The following HNF1A variants were observed in gnomAD, a reference collection of about 807,000 sequenced individuals.
HNF1A encodes hepatocyte nuclear factor 1-alpha.
In HNF1A, 21 loss-of-function variants were observed where a neutral mutation model predicts 62.2. The ratio of observed to expected loss-of-function variants is 0.34; its 90% CI spans 0.24 to 0.49. HNF1A has a LOEUF of 0.49. HNF1A is among the 20% of genes least tolerant of loss of function. The pLI, the probability that HNF1A is intolerant of heterozygous loss-of-function variation, is 0.99. For missense variants in HNF1A, 687 were observed against 832.3 expected, an observed-to-expected ratio of 0.83 and a Z score of 2.15; for synonymous variants, 374 against 366.8, an observed-to-expected ratio of 1.02 and a Z score of -0.22.
At chr12:120,992,071 CTT>C (rs869269713) in intron 2 of HNF1A, among the ~76,000 whole-genome samples, 5 of 152,284 alleles carry the variant, frequency 3.3e-5, no homozygotes, top group African/African-American at 1.2e-4. Flanking sequence ...TATTAGGACT[CTT>C]TCAGTAACAG....
At position 120,979,166 on chromosome 12, in the gene HNF1A, C is replaced by T. The variant is rs989331125; in HGVS notation, c.326+72C>T. 4.4e-6 allele frequency: 6 copies of T among 1,378,200 alleles called. No individual in the cohort carries two copies. In the South Asian group the frequency reaches 4.9e-5, roughly 11 times the overall value. 85.4% of individuals were successfully genotyped at this position (1,378,200 alleles called of 1,614,324 possible). A position where few individuals can be genotyped will look rare whatever the true frequency, so the allele number is the denominator to read the frequency against. On this transcript the variant is annotated intron_variant, in intron 1 of 9. Coordinates refer to ENST00000257555, the MANE Select transcript of HNF1A (RefSeq NM_000545.8). ...CCCCCCTCAGCTCCTAACGAGCCCC[C>T]CTTCTGAGTTGAGTCCCCATGACCT...
At position 120,996,311 on chromosome 12, in the gene HNF1A, A is replaced by G. The variant is rs1281657343; in HGVS notation, c.1005A>G (p.Ser335=). ...CCAGTGAGACTGCAGAAGTACCCTC[A>G]AGCAGCGGCGGTCCCTTAGTGACAG... ...PATSETAEVP[S]SSGGPLVTVS... The change falls in exon 5 of 10, where the codon TCA becomes TCG. Residue 335 remains serine (S), a synonymous_variant. Coordinates refer to ENST00000257555, the MANE Select transcript of HNF1A (RefSeq NM_000545.8). The surrounding 1 kb of genome is among the most constrained non-coding windows in gnomAD (Gnocchi z 4.5). 1.2e-6 allele frequency: 2 copies of G among 1,614,114 alleles called. No homozygotes were observed. Among genetic ancestry groups the G allele is most frequent in the Non-Finnish European group, 8.5e-7 (1 of 1,180,004 alleles).
intron 1 of HNF1A, among the ~76,000 whole-genome samples, chr12:120,984,680 A>G (rs1026308413): frequency 1.3e-5 from 2 of 151,388 alleles, no homozygotes; most frequent in Non-Finnish European, 2.9e-5. Context: ...GAGATGAAGG[A>G]GAGAGGATCC....
intron 1 of HNF1A, among the ~76,000 whole-genome samples, chr12:120,985,371 C>T (rs900492500): frequency 1.1e-4 from 17 of 150,666 alleles, no homozygotes; most frequent in Non-Finnish European, 1.8e-4. Context: ...CATGAGCCAC[C>T]ATACCCAGTT....
intron 9 of HNF1A, 77 bp from the exon 10 acceptor site, chr12:121,000,988 G>A: frequency 6.3e-7 from 1 of 1,595,400 alleles, no homozygotes; most frequent in Middle Eastern, 1.7e-4. Flanking sequence ...TCCCCATCCT[G>A]AGTACCCCTA....
At chr12:120,997,316 A>G (rs745630945) in intron 6 of HNF1A, 158 bp from the exon 7 acceptor site, 1 of 1,345,848 alleles carries the variant, frequency 7.4e-7, no homozygotes, top group African/African-American at 1.5e-5. Flanking sequence ...AGCCACTTAA[A>G]TTAGTGGCAG....
Position 120,999,123 on chromosome 12 carries a change from T to G in HNF1A, c.1502-145T>G, listed in dbSNP as rs1877279754. On this transcript the variant is annotated intron_variant, in intron 7 of 9. Coordinates refer to ENST00000257555, the MANE Select transcript of HNF1A (RefSeq NM_000545.8). ...CTGTCCCTTTATCTGGAGCCTCCAGTTTTGAAAATCAGCCCTGGATCTCCA... is the reference window on the plus strand; with the variant it reads ...CTGTCCCTTTATCTGGAGCCTCCAGGTTTGAAAATCAGCCCTGGATCTCCA... The G allele has an allele frequency of 2.3e-5, 22 of 964,316 alleles. No homozygotes were observed. The South Asian group carries it at 2.9e-4, about 13-fold the overall frequency. The allele number at this position is 964,316 out of a possible 1,614,324, so 59.7% of individuals were successfully genotyped here.
In HNF1A at chr12:121,001,065, T is replaced by C. The variant is rs928744634; in HGVS notation, c.1769T>C (p.Val590Ala). ...PAHRLSASPT[V>A]SSSSLVLYQS... ...CTAGCAGCCTTGTTTGCCTCTGCAG[T>C]GTCCTCCAGCAGCCTGGTGCTGTAC... Residue 590 changes from valine (V) to alanine (A), a missense_variant and splice_region_variant, in exon 10 of 10, where the codon GTG becomes GCG. By Grantham distance (64) the Val-to-Ala change is moderately conservative. Coordinates refer to ENST00000257555, the MANE Select transcript of HNF1A (RefSeq NM_000545.8). 8.1e-6 allele frequency: 13 copies of C among 1,613,108 alleles called. No individual in the cohort carries two copies. Among genetic ancestry groups the C allele is most frequent in the African/African-American group, 4.0e-5 (3 of 74,888 alleles).
intron 1 of HNF1A, among the ~76,000 whole-genome samples, chr12:120,986,915 T>C (rs1019208098): frequency 5.3e-5 from 8 of 152,026 alleles, no homozygotes; most frequent in Non-Finnish European, 1.0e-4. Context: ...GTAATATAAG[T>C]TCAGGAGAGG....
At chr12:120,990,705 AAAAG>A (rs931365003) in intron 2 of HNF1A, among the ~76,000 whole-genome samples, 2 of 148,298 alleles carry the variant, frequency 1.3e-5, no homozygotes. Flanking sequence ...GAAGGAAAAG[AAAAG>A]AAAGAAAAAG....
chr12:120,981,504 G>A (rs971582024), intron 1 of HNF1A, among the ~76,000 whole-genome samples: 1 of 152,120 alleles, frequency 6.6e-6, no homozygotes, highest in African/African-American at 2.4e-5. Flanking sequence ...CCAAATTCCT[G>A]GATCTCTTCC....
chr12:121,000,297 C>A (rs1213950953), intron 9 of HNF1A, among the ~76,000 whole-genome samples: 4 of 152,186 alleles, frequency 2.6e-5, no homozygotes, highest in Non-Finnish European at 5.9e-5. Flanking sequence ...CCACTGAGGC[C>A]ATTCTGTGTC....
At chr12:120,988,113 A>C (rs533124055) in intron 1 of HNF1A, among the ~76,000 whole-genome samples, 1 of 3,818 alleles carries the variant, frequency 2.6e-4, no homozygotes, top group African/African-American at 4.2e-4. Context: ...TCATCCAACC[A>C]TCCATCCATC....
In HNF1A at chr12:120,990,342, C is replaced by CGTGTTAGCCAGG. The variant is rs56106428; in HGVS notation, c.526+1310_526+1311insGTGTTAGCCAGG. On this transcript the variant is annotated intron_variant, in intron 2 of 9. Coordinates refer to ENST00000257555, the MANE Select transcript of HNF1A (RefSeq NM_000545.8). Reference sequence around the variant, plus strand: ...ATTTTTAGTAGAGTCGGGGTTTCACCATGGTCTCGATCTCCTGACCTCGTG... The same window carrying CGTGTTAGCCAGG: ...ATTTTTAGTAGAGTCGGGGTTTCACCGTGTTAGCCAGGATGGTCTCGATCTCCTGACCTCGTG... Among the ~76,000 whole-genome samples, 515 of 152,174 alleles carry CGTGTTAGCCAGG rather than the reference C, an allele frequency of 3.4e-3. 5 individuals carry two copies. Among genetic ancestry groups the CGTGTTAGCCAGG allele is most frequent in the African/African-American group, 0.011 (473 of 41,508 alleles).
chr12:120,980,111 T>C (rs1876176556), intron 1 of HNF1A, among the ~76,000 whole-genome samples: 1 of 152,176 alleles, frequency 6.6e-6, no homozygotes, highest in Non-Finnish European at 1.5e-5. Flanking sequence ...TAATTTCCCT[T>C]CATGGTGAGG....
At chr12:120,993,780 TAG>T in intron 3 of HNF1A, 74 bp downstream of exon 3, 4 of 1,484,570 alleles carry the variant, frequency 2.7e-6, no homozygotes, top group East Asian at 2.3e-5. Context: ...AAGGTGACTC[TAG>T]GTCCTGTAAA....
At position 120,994,351 on chromosome 12, in the gene HNF1A, G is replaced by A. The variant is rs555681479; in HGVS notation, c.901G>A (p.Ala301Thr). ...GCCAGGCCCGGGACCTGCGCTGCCC[G>A]CTCACAGCTCCCCTGGCCTGCCTCC... ...PGPGPGPALPAHSSPGLPPPA... is the reference protein window; with the variant it reads ...PGPGPGPALPTHSSPGLPPPA... Residue 301 changes from alanine (A) to threonine (T), a missense_variant, in exon 4 of 10, where the codon GCT (alanine) becomes ACT (threonine). This residue lies in a region of HNF1A where 408 missense variants were observed against 455.3 expected (regional missense o/e 0.90). Coordinates refer to ENST00000257555, the MANE Select transcript of HNF1A (RefSeq NM_000545.8). 1.6e-5 allele frequency: 26 copies of A among 1,600,064 alleles called. No individual in the cohort carries two copies. The highest frequency in any genetic ancestry group is 5.2e-5 in the Admixed American group (3 of 57,350).
At chr12:120,992,984 C>T (rs184857757) in intron 2 of HNF1A, among the ~76,000 whole-genome samples, 16 of 152,286 alleles carry the variant, frequency 1.1e-4, no homozygotes, top group Admixed American at 3.9e-4. Context: ...AGCTGGTAGA[C>T]CAGTTTCCAG....
rs763412043 is a variant in HNF1A, at chr12:120,996,320, C to T, written c.1014C>T (p.Gly338=). Residue 338 remains glycine, a synonymous_variant, in exon 5 of 10, where the codon GGC becomes GGT. Coordinates refer to ENST00000257555, the MANE Select transcript of HNF1A (RefSeq NM_000545.8). The surrounding 1 kb of genome is among the most constrained non-coding windows in gnomAD (Gnocchi z 4.5). ...CTGCAGAAGTACCCTCAAGCAGCGG[C>T]GGTCCCTTAGTGACAGTGTCTACAC... ...SETAEVPSSS[G]GPLVTVSTPL... 3.3e-5 allele frequency: 53 copies of T among 1,614,090 alleles called. No homozygotes were observed. Among genetic ancestry groups the T allele is most frequent in the Middle Eastern group, 1.6e-4 (1 of 6,084 alleles).
Sources: gnomAD v4.1 joint callset for allele counts (sites outside exome capture counted in the v4.1 genomes callset) on GRCh38, gnomAD v4.1.1 for gene constraint, gnomAD v4.1.1 regional missense constraint, Gnocchi (gnomAD v3.1) non-coding constraint, MANE v1.5 for transcripts, NCBI Gene and HGNC (gene_info 2026-07-23, HGNC 2026-07-21) for gene names.